Variants in DOK3 observed in about 807,000 individuals in gnomAD.
DOK3 encodes Dok-like protein.
In DOK3, 23 loss-of-function variants were observed where a neutral mutation model predicts 26.2. The observed-to-expected ratio is 0.88, with a 90% CI of 0.63 to 1.24. The LOEUF (loss-of-function observed/expected upper bound fraction) is 1.24, where lower values mean the gene tolerates loss of function less well. Among genes scored for constraint, DOK3 ranks in the 50% most tolerant of loss-of-function variants. DOK3 has a pLI of 0.00. For synonymous variants in DOK3, 268 were observed against 268.2 expected, an observed-to-expected ratio of 1.00 and a Z score of 0.01; for missense variants, 619 against 610.6, an observed-to-expected ratio of 1.01 and a Z score of -0.15.
chr5:177,510,080 T>G (rs558376719), upstream of DOK3: 98 of 642,698 alleles, frequency 1.5e-4, no homozygotes, highest in East Asian at 2.5e-3. Context: ...ATCACCAGCC[T>G]TTGGCATCCC....
chr5:177,509,857 T>C, upstream of DOK3: 1 of 1,609,902 alleles, frequency 6.2e-7, no homozygotes, highest in Non-Finnish European at 8.5e-7. Flanking sequence ...AGTCATGAGT[T>C]CCCGCCCCTC....
intron 3 of DOK3, among the ~76,000 whole-genome samples, chr5:177,505,730 CT>C (rs779874289): frequency 6.6e-6 from 1 of 152,084 alleles, no homozygotes; most frequent in Non-Finnish European, 1.5e-5. Context: ...CAATTTCCGC[CT>C]CCCGGGTTTG....
chr5:177,504,549 G>T lies in DOK3; in HGVS notation c.757C>A (p.Arg253Ser). 6.3e-7 allele frequency: 1 copy of T among 1,593,720 alleles called. No individual in the cohort carries two copies. ...LCRAVAGAIA[R>S]QRERLPELTR... Reference sequence around the variant, plus strand: ...AGCTCTGGCAGCCGCTCCCGCTGGCGGGCGATGGCCCCGGCCACAGCCCTG... The same window carrying T: ...AGCTCTGGCAGCCGCTCCCGCTGGCTGGCGATGGCCCCGGCCACAGCCCTG... Residue 253 changes from arginine to serine, a missense_variant, in exon 6 of 6, where the codon CGC becomes AGC. Physicochemically the swap from Arg to Ser is moderately radical, Grantham distance 110 (BLOSUM62 -1). Coordinates refer to ENST00000510898, the MANE Select transcript of DOK3 (RefSeq NM_001308236.3).
In DOK3 at chr5:177,509,594, G is replaced by A. The variant is rs189004739; in HGVS notation, c.-54C>T. The stretch of plus-strand genomic sequence containing the variant: ...TCAAGACCTGGGGAGACTGATGACA[G>A]GCTGGACGGGAACTCCTCACACTTC... On this transcript the variant is annotated 5_prime_UTR_variant, in exon 2 of 6. Coordinates refer to ENST00000510898, the MANE Select transcript of DOK3 (RefSeq NM_001308236.3). 1.7e-5 allele frequency: 28 copies of A among 1,605,044 alleles called. No homozygotes were observed. In the Admixed American group the frequency reaches 4.6e-4, roughly 26 times the overall value.
rs374020522 is a variant in DOK3, at chr5:177,503,283, G to A, written c.*700C>T. The A allele has an allele frequency of 9.7e-6, 15 of 1,550,394 alleles. No homozygotes were observed. The highest frequency in any genetic ancestry group is 1.2e-5 in the Non-Finnish European group (14 of 1,145,886). On this transcript the variant is annotated 3_prime_UTR_variant, in exon 6 of 6. Coordinates refer to ENST00000510898, the MANE Select transcript of DOK3 (RefSeq NM_001308236.3). ...AACACGGCTGTGTCCCCCAGCGCCT[G>A]GCACTGAGTAGGCACGCAGCAAACT... is the stretch of plus-strand genomic sequence containing the variant.
intron 2 of DOK3, chr5:177,508,847 G>A: frequency 2.8e-6 from 1 of 357,210 alleles, no homozygotes; most frequent in Non-Finnish European, 5.1e-6. Context: ...TGGCCGGGCA[G>A]ACCACCAGAC....
At position 177,503,344 on chromosome 5, in the gene DOK3, T is replaced by G. The variant is rs1022504695; in HGVS notation, c.*639A>C. 8 of 1,551,100 alleles carry G rather than the reference T, an allele frequency of 5.2e-6. No homozygotes were observed. Among genetic ancestry groups the G allele is most frequent in the Non-Finnish European group, 6.1e-6 (7 of 1,146,424 alleles). On this transcript the variant is annotated 3_prime_UTR_variant, in exon 6 of 6. Transcript: ENST00000510898. ...ATTATGCCTGATACGTCATCGGTTC[T>G]CTCTCCTTTACAGATGAGGAGACTG...
At position 177,509,262 on chromosome 5, in the gene DOK3, C is replaced by T. The variant is rs140088465; in HGVS notation, c.66+213G>A. On this transcript the variant is annotated intron_variant, in intron 2 of 5. Transcript: ENST00000510898. ...CCACTCCTGTATTTCCCATCTCTCC[C>T]GGAGGCAGGGTCTGGCAGAGCCTGC... 2.3e-3 allele frequency: 1,253 copies of T among 556,010 alleles called. 13 individuals are homozygous for T. The highest frequency in any genetic ancestry group is 0.022 in the African/African-American group (1,134 of 51,030). 34.4% of individuals were successfully genotyped at this position (556,010 alleles called of 1,614,324 possible). A position where few individuals can be genotyped will look rare whatever the true frequency, so the allele number is the denominator to read the frequency against.
In DOK3 at chr5:177,504,789, A is replaced by G; in HGVS notation, c.599T>C (p.Leu200Pro). ...CAGGAAGTGGTAGGGCCAGCTGTAGAGGGCCTGGGTGCCCTTGGCCTCCCT... is the reference window on the plus strand; with the variant it reads ...CAGGAAGTGGTAGGGCCAGCTGTAGGGGGCCTGGGTGCCCTTGGCCTCCCT... Reference protein sequence around the residue: ...QLREAKGTQALYSWPYHFLRK... With the variant: ...QLREAKGTQAPYSWPYHFLRK... The change falls in exon 5 of 6, where the codon CTC becomes CCC. Residue 200 changes from leucine to proline, a missense_variant. Leu to Pro is a moderately conservative substitution (Grantham distance 98). Transcript: ENST00000510898. 6.2e-7 allele frequency: 1 copy of G among 1,613,976 alleles called. No individual in the cohort carries two copies. The highest frequency in any genetic ancestry group is 8.5e-7 in the Non-Finnish European group (1 of 1,179,930).
Position 177,502,615 on chromosome 5 carries a change from T to G in DOK3, c.*1368A>C. On this transcript the variant is annotated 3_prime_UTR_variant, in exon 6 of 6. Coordinates refer to ENST00000510898, the MANE Select transcript of DOK3 (RefSeq NM_001308236.3). ...TCCCCAATATGCCTGTGAGGAGACA[T>G]TGGGTGGGGATAGACAGGAGGTTCT... is the stretch of plus-strand genomic sequence containing the variant. 16 of 165,442 alleles carry G rather than the reference T, an allele frequency of 9.7e-5. No individual in the cohort carries two copies. The highest frequency in any genetic ancestry group is 5.3e-4 in the East Asian group (3 of 5,662). The allele number at this position is 165,442 out of a possible 1,614,324, so 10.2% of individuals were successfully genotyped here.
chr5:177,507,765 A>G (rs1215705141), intron 3 of DOK3, among the ~76,000 whole-genome samples: 2 of 152,094 alleles, frequency 1.3e-5, no homozygotes, highest in East Asian at 3.9e-4. Context: ...TTCGCCTCTC[A>G]CTCAGAACAA....
intron 2 of DOK3, chr5:177,509,263 G>A (rs1760659308): frequency 7.3e-6 from 4 of 550,314 alleles, no homozygotes; most frequent in East Asian, 3.4e-5. Flanking sequence ...CATCTCTCCC[G>A]GAGGCAGGGT....
intron 3 of DOK3, 147 bp downstream of exon 3, chr5:177,508,090 C>A (rs937890420): frequency 1.9e-6 from 2 of 1,069,540 alleles, no homozygotes; most frequent in Non-Finnish European, 2.5e-6. Context: ...ATGGCACGCA[C>A]GGCCCTCTGA....
In DOK3 at chr5:177,504,436, T is replaced by C; in HGVS notation, c.870A>G (p.Gly290=). Residue 290 remains glycine, a synonymous_variant, in exon 6 of 6, where the codon GGA becomes GGG. Transcript: ENST00000510898. ...TTTTCCTGGACGTGGGTGGCTCAGG[T>C]CCTGGTGGCATCTCCCGAAGCTCTC... ...TPGELREMPP[G]PEPPTSRKMH... 6.3e-7 allele frequency: 1 copy of C among 1,575,934 alleles called. No homozygotes were observed. The highest frequency in any genetic ancestry group is 8.6e-7 in the Non-Finnish European group (1 of 1,161,394).
At position 177,506,678 on chromosome 5, in the gene DOK3, T is replaced by A. The variant is rs1760211532; in HGVS notation, c.372+1559A>T. ...AAGTGTATCATCAGTGCTCTTTTTTTTCTTTTCTTTTTTTTTTTTTTTTTT... is the reference window on the plus strand; with the variant it reads ...AAGTGTATCATCAGTGCTCTTTTTTATCTTTTCTTTTTTTTTTTTTTTTTT... On this transcript the variant is annotated intron_variant, in intron 3 of 5. Coordinates refer to ENST00000510898, the MANE Select transcript of DOK3 (RefSeq NM_001308236.3). 7.7e-5 allele frequency among the ~76,000 whole-genome samples: 10 copies of A among 130,200 alleles called. No individual in the cohort carries two copies. In the South Asian group the frequency reaches 2.5e-3, roughly 32 times the overall value. 85.4% of individuals were successfully genotyped at this position (130,200 alleles called of 152,430 possible).
At chr5:177,506,645 A>C (rs1410874803) in intron 3 of DOK3, among the ~76,000 whole-genome samples, 1 of 142,402 alleles carries the variant, frequency 7.0e-6, no homozygotes, top group Non-Finnish European at 1.5e-5. Context: ...GGCCCATTTT[A>C]CATCTTAAAG....
Position 177,503,552 on chromosome 5 carries a change from A to C in DOK3, c.*431T>G. 20 of 1,376,430 alleles carry C rather than the reference A, an allele frequency of 1.5e-5. No individual in the cohort carries two copies. The highest frequency in any genetic ancestry group is 1.9e-5 in the Non-Finnish European group (20 of 1,047,880). The allele number at this position is 1,376,430 out of a possible 1,614,324, so 85.3% of individuals were successfully genotyped here. On this transcript the variant is annotated 3_prime_UTR_variant, in exon 6 of 6. Transcript: ENST00000510898. The stretch of plus-strand genomic sequence containing the variant: ...TGCTCCTTCCTGAGTCTGACAAGTA[A>C]GCCTCACAGCTCCCTCCGCCTGCCT...
chr5:177,505,073 T>G lies in DOK3; in HGVS notation c.410A>C (p.Gln137Pro). ...GEASSGSTDAQSPKRGLVPME... is the reference protein window; with the variant it reads ...GEASSGSTDAPSPKRGLVPME... ...GGGGACCAGGCCCCTCTTGGGAGAC[T>G]GGGCATCTGTGGATCCTGAGGAGGC... is the stretch of plus-strand genomic sequence containing the variant. Residue 137 changes from glutamine to proline, a missense_variant, in exon 4 of 6, where the codon CAG becomes CCG. By Grantham distance (76) the Gln-to-Pro change is moderately conservative. Coordinates refer to ENST00000510898, the MANE Select transcript of DOK3 (RefSeq NM_001308236.3). The G allele has an allele frequency of 6.2e-7, 1 of 1,612,214 alleles. No individual in the cohort carries two copies. Among genetic ancestry groups the G allele is most frequent in the Non-Finnish European group, 8.5e-7 (1 of 1,179,352 alleles).
rs1759904425 is a variant in DOK3, at chr5:177,505,009, A to G, written c.472+2T>C. On this transcript the variant is annotated splice_donor_variant, in intron 4 of 5. Coordinates refer to ENST00000510898, the MANE Select transcript of DOK3 (RefSeq NM_001308236.3). LOFTEE classifies it high-confidence loss of function. ...GCTGCCCTTGCACGTCCTCCAACTT[A>G]CCTTCCTGCCAGGAGGAGTAGATGG... The G allele has an allele frequency of 6.2e-7, 1 of 1,605,382 alleles. No individual in the cohort carries two copies. The highest frequency in any genetic ancestry group is 1.3e-5 in the African/African-American group (1 of 74,602).
Sources: allele counts gnomAD v4.1 joint callset (sites outside exome capture counted in the v4.1 genomes callset), GRCh38; gene constraint gnomAD v4.1.1; transcripts MANE v1.5; gene names NCBI Gene and HGNC (gene_info 2026-07-23, HGNC 2026-07-21).